Variants in MAGI2 observed in about 807,000 individuals in gnomAD.
MAGI2 encodes membrane associated guanylate kinase, WW and PDZ domain containing 2, also known as membrane-associated guanylate kinase, WW and PDZ domain-containing protein 2.
MAGI2 carries 35 observed loss-of-function variants against 133.3 expected under a neutral mutation model. The observed-to-expected ratio is 0.26, with a 90% confidence interval of 0.20 to 0.35. MAGI2 has a LOEUF of 0.35. MAGI2 is among the 10% of genes least tolerant of loss of function. The pLI is 1.00. For missense variants in MAGI2, 1,636 were observed against 1,863.4 expected (o/e 0.88, Z 2.25); for synonymous variants, 729 against 710.6 (o/e 1.03, Z -0.41).
At chr7:78,322,952 T>C (rs921653724) in intron 9 of MAGI2, among the ~76,000 whole-genome samples, 5 of 151,732 alleles carry the variant, frequency 3.3e-5, no homozygotes, top group Non-Finnish European at 4.4e-5. Flanking sequence ...TGTTATCTTA[T>C]AACTGACTTG....
chr7:78,564,465 G>A (rs78812560), intron 3 of MAGI2, among the ~76,000 whole-genome samples: 2,883 of 152,254 alleles, frequency 0.019, 45 homozygotes, highest in South Asian at 0.063. Context: ...CTTCAATGCT[G>A]ACAAAGTTTC....
At chr7:78,158,051 T>G (rs1281714561) in intron 16 of MAGI2, among the ~76,000 whole-genome samples, 1 of 152,218 alleles carries the variant, frequency 6.6e-6, no homozygotes, top group Non-Finnish European at 1.5e-5. Flanking sequence ...ATTTTTATTT[T>G]TTTGATAACA....
intron 9 of MAGI2, among the ~76,000 whole-genome samples, chr7:78,272,569 G>C (rs1030150011): frequency 1.2e-4 from 18 of 152,122 alleles, no homozygotes; most frequent in African/African-American, 4.3e-4. Flanking sequence ...TATTGTGTGA[G>C]AGTCTAAGTC....
At chr7:78,689,837 G>A (rs1816775431) in intron 2 of MAGI2, among the ~76,000 whole-genome samples, 2 of 151,942 alleles carry the variant, frequency 1.3e-5, no homozygotes, top group Non-Finnish European at 2.9e-5. Flanking sequence ...TTGTATTTGT[G>A]TTGTTTCCAG....
intron 1 of MAGI2, among the ~76,000 whole-genome samples, chr7:79,130,860 T>C (rs1820873316): frequency 6.6e-6 from 1 of 152,180 alleles, no homozygotes; most frequent in African/African-American, 2.4e-5. Flanking sequence ...AGCTTGGTTA[T>C]CTGTTGGATT....
chr7:78,615,739 C>T (rs980643837), intron 3 of MAGI2: 8 of 152,148 alleles, frequency 5.3e-5, no homozygotes, highest in Admixed American at 1.3e-4. Context: ...GTCAGGATTA[C>T]GTCATTTTGG....
At chr7:79,309,106 T>C (rs1295386786) in intron 1 of MAGI2, among the ~76,000 whole-genome samples, 2 of 152,054 alleles carry the variant, frequency 1.3e-5, no homozygotes, top group Non-Finnish European at 2.9e-5. Context: ...ATATTTGCGG[T>C]ACAATTTCCT....
chr7:78,354,767 A>G (rs998650508), intron 7 of MAGI2, among the ~76,000 whole-genome samples: 1 of 152,158 alleles, frequency 6.6e-6, no homozygotes, highest in African/African-American at 2.4e-5. Context: ...AAACACAAAA[A>G]ATTAAGAAAA....
intron 1 of MAGI2, among the ~76,000 whole-genome samples, chr7:79,452,036 C>G (rs919983381): frequency 1.3e-5 from 2 of 152,200 alleles, no homozygotes; most frequent in African/African-American, 4.8e-5. Flanking sequence ...CACATCACAG[C>G]CTCCAATTGA....
intron 17 of MAGI2, 30 bp from the exon 18 acceptor site, chr7:78,133,090 A>G: frequency 6.6e-7 from 1 of 1,510,416 alleles, no homozygotes; most frequent in Non-Finnish European, 8.8e-7. Flanking sequence ...CGGCAGATGC[A>G]GTCAGGTTAG....
intron 1 of MAGI2, among the ~76,000 whole-genome samples, chr7:79,351,441 A>G (rs1030453191): frequency 1.2e-4 from 18 of 152,316 alleles, no homozygotes; most frequent in African/African-American, 3.4e-4. Flanking sequence ...TGGGACTTCA[A>G]TGAAAATAAT....
At chr7:79,139,026 G>GTAC (rs1400330143) in intron 1 of MAGI2, among the ~76,000 whole-genome samples, 1 of 148,314 alleles carries the variant, frequency 6.7e-6, no homozygotes, top group Non-Finnish European at 1.5e-5. Flanking sequence ...GCATGTGTGT[G>GTAC]TACAGAGAAA....
rs1807926004 is a variant in MAGI2, at chr7:78,017,970, T to C, written c.*1345A>G. The C allele has an allele frequency of 6.6e-6, 1 of 152,270 alleles. No homozygotes were observed. Among genetic ancestry groups the C allele is most frequent in the Non-Finnish European group, 1.5e-5 (1 of 68,044 alleles). The allele number at this position is 152,270 out of a possible 1,614,324, so 9.4% of individuals were successfully genotyped here. A position where few individuals can be genotyped will look rare whatever the true frequency, so the allele number is the denominator to read the frequency against. ...TTGCCTTCAGAAACACTTTGCCTTT[T>C]AATATGTGTAGCTACAGTAAGTACC... On this transcript the variant is annotated 3_prime_UTR_variant, in exon 22 of 22. Coordinates refer to ENST00000354212, the MANE Select transcript of MAGI2 (RefSeq NM_012301.4).
At chr7:79,382,323 C>G (rs546144577) in intron 1 of MAGI2, among the ~76,000 whole-genome samples, 1 of 151,790 alleles carries the variant, frequency 6.6e-6, no homozygotes, top group African/African-American at 2.4e-5. Context: ...GGTTTATTAA[C>G]AGCATATTTT....
intron 1 of MAGI2, among the ~76,000 whole-genome samples, chr7:79,423,412 T>C (rs2129181235): frequency 6.6e-6 from 1 of 152,056 alleles, no homozygotes. Flanking sequence ...TGTGATGAAA[T>C]ACATATTATA....
At chr7:78,423,152 T>C (rs956198187) in intron 6 of MAGI2, among the ~76,000 whole-genome samples, 3 of 152,310 alleles carry the variant, frequency 2.0e-5, no homozygotes, top group African/African-American at 7.2e-5. Flanking sequence ...CCATGTATTA[T>C]GGGAGGAATT....
intron 6 of MAGI2, among the ~76,000 whole-genome samples, chr7:78,404,336 A>G (rs1449997319): frequency 6.6e-6 from 1 of 152,170 alleles, no homozygotes; most frequent in Non-Finnish European, 1.5e-5. Context: ...TTCATATGGA[A>G]GCAAAAATGA....
intron 1 of MAGI2, among the ~76,000 whole-genome samples, chr7:79,365,217 T>C (rs1046089033): frequency 2.0e-5 from 3 of 152,304 alleles, no homozygotes; most frequent in Admixed American, 2.0e-4. Context: ...AATAGCTAAA[T>C]TTAAAAATGG....
intron 2 of MAGI2, among the ~76,000 whole-genome samples, chr7:78,672,925 C>T (rs1420842126): frequency 6.6e-6 from 1 of 152,176 alleles, no homozygotes; most frequent in East Asian, 1.9e-4. Context: ...GGGGTTGCAA[C>T]AAACTTTCAT....
Sources: gnomAD v4.1 joint callset for allele counts (sites outside exome capture counted in the v4.1 genomes callset) on GRCh38, gnomAD v4.1.1 for gene constraint, MANE v1.5 for transcripts, NCBI Gene and HGNC (gene_info 2026-07-23, HGNC 2026-07-21) for gene names.